The following HFM1 variants were observed in gnomAD, a reference collection of about 807,000 sequenced individuals.
The protein encoded by HFM1 is probable ATP-dependent DNA helicase HFM1.
In HFM1, 169 loss-of-function variants were observed where a neutral mutation model predicts 192.1. That is an observed-to-expected ratio of 0.88 (90% CI 0.78 to 1.00). The LOEUF (loss-of-function observed/expected upper bound fraction) is 1.00, where lower values mean the gene tolerates loss of function less well. Among genes scored for constraint, HFM1 ranks in the 50% least tolerant of loss-of-function variants. HFM1 has a pLI of 0.00. For synonymous variants in HFM1, 525 were observed against 537.8 expected (o/e 0.98, Z 0.33); for missense variants, 1,661 against 1,668.0 (o/e 1.00, Z 0.07).
At chr1:91,312,287 A>C (rs372670200) in intron 30 of HFM1, among the ~76,000 whole-genome samples, 9 of 152,162 alleles carry the variant, frequency 5.9e-5, no homozygotes, top group African/African-American at 1.7e-4. Flanking sequence ...TGAACTGTGC[A>C]CTTGGAAAAG....
intron 30 of HFM1, among the ~76,000 whole-genome samples, chr1:91,312,202 G>A (rs528619106): frequency 1.3e-3 from 195 of 152,262 alleles, no homozygotes; most frequent in African/African-American, 3.7e-3. Context: ...GTCTCTAGTG[G>A]GGTGCTGCCT....
Position 91,315,814 on chromosome 1 carries a change from C to T in HFM1, c.3140+1G>A, listed in dbSNP as rs762180649. 39 of 1,595,488 alleles carry T rather than the reference C, an allele frequency of 2.4e-5. No homozygotes were observed. The highest frequency in any genetic ancestry group is 4.5e-5 in the East Asian group (2 of 44,610). On this transcript the variant is annotated splice_donor_variant, in intron 28 of 38. Coordinates refer to ENST00000370425, the MANE Select transcript of HFM1 (RefSeq NM_001017975.6). LOFTEE classifies it high-confidence loss of function. ...TCAAACATCAGAAATTTCACACTTA[C>T]GTAATCTTGTGCAGATAAACTACTT...
intron 18 of HFM1, among the ~76,000 whole-genome samples, chr1:91,348,860 G>C (rs545456722): frequency 1.4e-4 from 22 of 152,250 alleles, no homozygotes; most frequent in Admixed American, 9.2e-4. Context: ...GAAGGTTGAA[G>C]CTGCAGTAAG....
In HFM1 at chr1:91,401,007, CT is replaced by C; in HGVS notation, c.71+4del. 1 of 1,442,852 alleles carries C rather than the reference CT, an allele frequency of 6.9e-7. No individual in the cohort carries two copies. Among genetic ancestry groups the C allele is most frequent in the Non-Finnish European group, 9.5e-7 (1 of 1,054,252 alleles). 89.4% of individuals were successfully genotyped at this position (1,442,852 alleles called of 1,614,324 possible). ...CTATGCTATCAATCTTTAAGGGAGA[CT>C]TACTTTTCAACTTCATCTGGTTTTT... On this transcript the variant is annotated splice_donor_region_variant and intron_variant, in intron 2 of 38. Transcript: ENST00000370425.
chr1:91,360,495 AC>A (rs1325942024), intron 13 of HFM1, among the ~76,000 whole-genome samples: 1 of 152,242 alleles, frequency 6.6e-6, no homozygotes, highest in African/African-American at 2.4e-5. Flanking sequence ...AGAAGAGCTA[AC>A]TATCCTAAAT....
intron 13 of HFM1, among the ~76,000 whole-genome samples, chr1:91,365,798 C>T (rs950525144): frequency 6.6e-5 from 10 of 151,608 alleles, no homozygotes; most frequent in Admixed American, 3.9e-4. Context: ...TTAGAAATGT[C>T]GCTTATTTAA....
chr1:91,349,314 T>C (rs1656618969), intron 18 of HFM1, among the ~76,000 whole-genome samples: 1 of 152,056 alleles, frequency 6.6e-6, no homozygotes, highest in Non-Finnish European at 1.5e-5. Context: ...CAGAAATTCT[T>C]TGATATTCTG....
At chr1:91,262,421 T>C (rs374822368) in intron 37 of HFM1, 29 bp from the exon 38 acceptor site, 9 of 1,581,230 alleles carry the variant, frequency 5.7e-6, no homozygotes, top group Admixed American at 1.8e-5. Context: ...ATAACAATCA[T>C]TGAAAGTTTA....
intron 20 of HFM1, chr1:91,328,931 A>G: frequency 5.0e-6 from 8 of 1,611,770 alleles, no homozygotes; most frequent in Non-Finnish European, 6.8e-6. Flanking sequence ...GGACTGCTTC[A>G]CCTTCGGCAG....
At chr1:91,370,145 G>A (rs948902275) in intron 13 of HFM1, among the ~76,000 whole-genome samples, 6 of 152,086 alleles carry the variant, frequency 3.9e-5, no homozygotes, top group African/African-American at 1.2e-4. Flanking sequence ...ATTCACAGCC[G>A]AATTCTACCA....
chr1:91,391,332 C>T (rs555821242), intron 4 of HFM1, among the ~76,000 whole-genome samples: 39 of 152,184 alleles, frequency 2.6e-4, no homozygotes, highest in Non-Finnish European at 4.4e-4. Context: ...GGAGGCATCA[C>T]GCTACCTAAC....
chr1:91,334,616 G>GA lies in HFM1; in HGVS notation c.2335+8813dup, dbSNP rs1235145284. Among the ~76,000 whole-genome samples, 8 of 152,168 alleles carry GA rather than the reference G, an allele frequency of 5.3e-5. No individual in the cohort carries two copies. The South Asian group carries it at 1.7e-3, about 32-fold the overall frequency. On this transcript the variant is annotated intron_variant, in intron 20 of 38. Coordinates refer to ENST00000370425, the MANE Select transcript of HFM1 (RefSeq NM_001017975.6). ...GGAGAAATGGGGGTAACTAACTGAT[G>GA]AAATGGAATTCACTTAAGAGGTTAC... is the stretch of plus-strand genomic sequence containing the variant.
chr1:91,287,192 T>C (rs1429820071), intron 30 of HFM1, among the ~76,000 whole-genome samples: 2 of 152,192 alleles, frequency 1.3e-5, no homozygotes, highest in Admixed American at 6.5e-5. Context: ...CTCTGTAGGC[T>C]CCACCTCTGG....
intron 30 of HFM1, among the ~76,000 whole-genome samples, chr1:91,287,210 G>A (rs981280230): frequency 1.3e-5 from 2 of 152,200 alleles, no homozygotes; most frequent in Admixed American, 6.5e-5. Context: ...TGGGGGCAGC[G>A]CACAGGCAAA....
At chr1:91,340,542 TACATA>T (rs1021585175) in intron 20 of HFM1, among the ~76,000 whole-genome samples, 8 of 152,056 alleles carry the variant, frequency 5.3e-5, no homozygotes, top group East Asian at 3.9e-4. Flanking sequence ...ATAAAGCAAC[TACATA>T]ACATAACATA....
intron 19 of HFM1, among the ~76,000 whole-genome samples, chr1:91,346,447 G>A (rs1341538499): frequency 6.6e-6 from 1 of 152,090 alleles, no homozygotes; most frequent in Non-Finnish European, 1.5e-5. Context: ...ATGAATATAT[G>A]CTATTGGTTA....
chr1:91,346,205 T>G (rs1329708286), intron 19 of HFM1, among the ~76,000 whole-genome samples: 1 of 152,238 alleles, frequency 6.6e-6, no homozygotes, highest in Non-Finnish European at 1.5e-5. Flanking sequence ...TTGCTAACCC[T>G]ATACTGACTG....
chr1:91,322,384 A>T (rs1019792558), intron 23 of HFM1, among the ~76,000 whole-genome samples: 1 of 152,190 alleles, frequency 6.6e-6, no homozygotes, highest in Non-Finnish European at 1.5e-5. Flanking sequence ...AGACCTACAT[A>T]CTCAGAAAGC....
intron 19 of HFM1, among the ~76,000 whole-genome samples, chr1:91,344,050 T>C (rs1270160253): frequency 6.6e-6 from 1 of 150,886 alleles, no homozygotes; most frequent in Non-Finnish European, 1.5e-5. Context: ...GTTCTTCCCC[T>C]CCTCCCTGTT....
Sources: allele counts gnomAD v4.1 joint callset (sites outside exome capture counted in the v4.1 genomes callset), GRCh38; gene constraint gnomAD v4.1.1; transcripts MANE v1.5; gene names NCBI Gene and HGNC (gene_info 2026-07-23, HGNC 2026-07-21).